TASP1: variants seen among roughly 807,000 people sequenced by gnomAD.
TASP1 encodes the protein threonine aspartase 1.
A neutral mutation model predicts 56.6 loss-of-function variants in TASP1; 16 were observed. That is an observed-to-expected ratio of 0.28 (90% CI 0.19 to 0.43). TASP1 has a LOEUF of 0.43. Among genes scored for constraint, TASP1 ranks in the 20% least tolerant of loss-of-function variants. The pLI is 1.00. For synonymous variants in TASP1, 179 were observed against 184.2 expected, an observed-to-expected ratio of 0.97 and a Z score of 0.23; for missense variants, 393 against 511.6, an observed-to-expected ratio of 0.77 and a Z score of 2.24.
the TASP1 span, among the ~76,000 whole-genome samples, chr20:13,129,558 G>C: frequency 2.4e-4 from 37 of 152,304 alleles, no homozygotes; most frequent in East Asian, 6.9e-3. Flanking sequence ...CAAGTGACTA[G>C]GAAAAAGTTA....
chr20:13,561,293 T>C (rs185039877), intron 7 of TASP1, among the ~76,000 whole-genome samples: 4 of 152,298 alleles, frequency 2.6e-5, no homozygotes, highest in Admixed American at 2.0e-4. Context: ...GATAAGTACA[T>C]GGACAACTGT....
intron 8 of TASP1, among the ~76,000 whole-genome samples, chr20:13,548,365 T>TA (rs774593545): frequency 1.3e-5 from 2 of 152,036 alleles, no homozygotes; most frequent in Non-Finnish European, 2.9e-5. Flanking sequence ...CATGCTGAGT[T>TA]AGACTGTGAT....
At chr20:13,509,878 G>T (rs533347796) in intron 10 of TASP1, among the ~76,000 whole-genome samples, 1 of 152,028 alleles carries the variant, frequency 6.6e-6, no homozygotes, top group Admixed American at 6.6e-5. Context: ...CACCCACCTT[G>T]GCCTCCCAAA....
At chr20:13,624,525 G>C (rs1315089862) in intron 3 of TASP1, among the ~76,000 whole-genome samples, 3 of 152,132 alleles carry the variant, frequency 2.0e-5, no homozygotes, top group Admixed American at 1.3e-4. Flanking sequence ...AGAGCAGAGA[G>C]AGAGAGACGC....
At chr20:13,536,829 C>G (rs2045436528) in intron 8 of TASP1, among the ~76,000 whole-genome samples, 1 of 151,642 alleles carries the variant, frequency 6.6e-6, no homozygotes. Flanking sequence ...TTTTACATTT[C>G]AGTTATTTTA....
intron 10 of TASP1, among the ~76,000 whole-genome samples, chr20:13,522,984 A>C (rs1341328457): frequency 3.3e-5 from 5 of 152,198 alleles, no homozygotes; most frequent in African/African-American, 7.2e-5. Flanking sequence ...TGTTGCTTAT[A>C]GGACTAAAGG....
chr20:13,509,313 A>T (rs1340326561), intron 10 of TASP1, among the ~76,000 whole-genome samples: 1 of 152,184 alleles, frequency 6.6e-6, no homozygotes, highest in East Asian at 1.9e-4. Flanking sequence ...AAGCTTATAG[A>T]AACAGAGAAT....
chr20:13,154,692 C>A, the TASP1 span, among the ~76,000 whole-genome samples: 1 of 152,172 alleles, frequency 6.6e-6, no homozygotes, highest in African/African-American at 2.4e-5. Flanking sequence ...GAAGCTCATG[C>A]TCAGTTTCTC....
chr20:13,508,050 A>G (rs1489856658), intron 10 of TASP1, among the ~76,000 whole-genome samples: 1 of 152,172 alleles, frequency 6.6e-6, no homozygotes, highest in African/African-American at 2.4e-5. Context: ...TTGGATCCTT[A>G]TACCATACAC....
At chr20:13,551,584 T>C (rs1377683953) in intron 8 of TASP1, among the ~76,000 whole-genome samples, 2 of 152,218 alleles carry the variant, frequency 1.3e-5, no homozygotes, top group Non-Finnish European at 2.9e-5. Context: ...TTGAAACTGA[T>C]ATTTATGAAA....
At chr20:13,540,266 A>G (rs1200204872) in intron 8 of TASP1, among the ~76,000 whole-genome samples, 1 of 152,212 alleles carries the variant, frequency 6.6e-6, no homozygotes, top group Non-Finnish European at 1.5e-5. Context: ...TTTAATGATA[A>G]GTATGTCCAA....
At chr20:13,109,742 G>A in the TASP1 span, among the ~76,000 whole-genome samples, 15 of 152,310 alleles carry the variant, frequency 9.8e-5, no homozygotes, top group East Asian at 1.9e-3. Flanking sequence ...CGATTGATGA[G>A]TGGTATTAAT....
At chr20:13,322,625 G>C in the TASP1 span, among the ~76,000 whole-genome samples, 1 of 152,168 alleles carries the variant, frequency 6.6e-6, no homozygotes, top group African/African-American at 2.4e-5. Flanking sequence ...AGAAAGAAAA[G>C]CCCAAGACCC....
chr20:13,109,041 C>T, the TASP1 span, among the ~76,000 whole-genome samples: 9 of 152,204 alleles, frequency 5.9e-5, no homozygotes, highest in East Asian at 1.9e-4. Flanking sequence ...CCATAAACCT[C>T]GGCCATTTTT....
At chr20:13,459,103 C>T (rs888876257) in intron 11 of TASP1, among the ~76,000 whole-genome samples, 4 of 152,102 alleles carry the variant, frequency 2.6e-5, no homozygotes, top group African/African-American at 9.7e-5. Context: ...GGCTGATATC[C>T]GTCCTGTCAT....
At chr20:13,587,824 G>C (rs2047364401) in intron 4 of TASP1, among the ~76,000 whole-genome samples, 1 of 151,990 alleles carries the variant, frequency 6.6e-6, no homozygotes, top group Non-Finnish European at 1.5e-5. Context: ...ACTTGACAAA[G>C]GGGATCAATG....
the TASP1 span, among the ~76,000 whole-genome samples, chr20:13,119,510 A>G: frequency 6.6e-6 from 1 of 152,220 alleles, no homozygotes; most frequent in African/African-American, 2.4e-5. Flanking sequence ...ACCATTATTT[A>G]CATTAATCGG....
chr20:13,141,689 G>A, the TASP1 span, among the ~76,000 whole-genome samples: 1 of 152,222 alleles, frequency 6.6e-6, no homozygotes, highest in Non-Finnish European at 1.5e-5. Flanking sequence ...TTGCCAGCTG[G>A]AGAGACCGAA....
chr20:13,557,174 T>A (rs1036415315), intron 8 of TASP1, among the ~76,000 whole-genome samples: 1 of 152,188 alleles, frequency 6.6e-6, no homozygotes. Context: ...AGCAGCTTTA[T>A]TCGTAATAGT....
Sources: gnomAD v4.1 joint callset for allele counts (sites outside exome capture counted in the v4.1 genomes callset) on GRCh38, gnomAD v4.1.1 for gene constraint, MANE v1.5 for transcripts, NCBI Gene and HGNC (gene_info 2026-07-23, HGNC 2026-07-21) for gene names.